The following JAK2 variants were observed in gnomAD, a reference collection of about 807,000 sequenced individuals.
JAK2 encodes the protein tyrosine-protein kinase JAK2.
Under a neutral mutation model 139.3 loss-of-function variants are expected in JAK2, and 86 were observed. The ratio of observed to expected loss-of-function variants is 0.62; its 90% CI spans 0.52 to 0.74. The LOEUF is 0.74. Ranked by LOEUF, JAK2 falls within the 30% of genes least tolerant of loss-of-function variation. The pLI, the probability that JAK2 is intolerant of heterozygous loss-of-function variation, is 0.00. For missense variants in JAK2, 1,421 were observed against 1,360.3 expected (o/e 1.04, Z -0.70); for synonymous variants, 490 against 437.7 (o/e 1.12, Z -1.49).
intron 4 of JAK2, chr9:5,041,282 T>A: frequency 1.9e-6 from 2 of 1,055,532 alleles, no homozygotes; most frequent in African/African-American, 1.6e-5. Context: ...GGCCAAGGGG[T>A]ACACTGGTCT....
intron 4 of JAK2, among the ~76,000 whole-genome samples, chr9:5,034,531 A>G (rs1489420661): frequency 6.6e-6 from 1 of 152,042 alleles, no homozygotes; most frequent in Non-Finnish European, 1.5e-5. Flanking sequence ...AAATTATAAC[A>G]AACTGTCTCT....
At chr9:5,106,282 C>A (rs985162152) in intron 22 of JAK2, among the ~76,000 whole-genome samples, 2 of 152,148 alleles carry the variant, frequency 1.3e-5, no homozygotes, top group Non-Finnish European at 2.9e-5. Context: ...ATGCAGCCAA[C>A]AGACATATAA....
chr9:5,125,034 A>G (rs575991357), intron 23 of JAK2, among the ~76,000 whole-genome samples: 2 of 151,578 alleles, frequency 1.3e-5, no homozygotes, highest in South Asian at 4.1e-4. Context: ...GAATTATTGC[A>G]TAAGTTAAAA....
intron 22 of JAK2, among the ~76,000 whole-genome samples, chr9:5,101,498 C>G (rs563118313): frequency 2.6e-5 from 4 of 152,258 alleles, no homozygotes; most frequent in East Asian, 1.9e-4. Context: ...ACTTAAACGT[C>G]CCTGTCTGAC....
chr9:4,995,591 T>C (rs970514161), intron 2 of JAK2, among the ~76,000 whole-genome samples: 16 of 152,232 alleles, frequency 1.1e-4, no homozygotes, highest in Admixed American at 1.0e-3. Context: ...CTTTGTTTCA[T>C]TCTAAAAATG....
At chr9:5,011,079 A>G (rs1465682509) in intron 2 of JAK2, among the ~76,000 whole-genome samples, 4 of 152,202 alleles carry the variant, frequency 2.6e-5, no homozygotes, top group African/African-American at 9.6e-5. Context: ...GTTTGGCTAT[A>G]ATGTGACTTA....
At chr9:5,123,390 A>G (rs1003426554) in intron 23 of JAK2, among the ~76,000 whole-genome samples, 1 of 152,012 alleles carries the variant, frequency 6.6e-6, no homozygotes, top group South Asian at 2.1e-4. Flanking sequence ...GCTCCCGCTT[A>G]TAAGTGAAAA....
chr9:5,062,865 T>C (rs1383498462), intron 8 of JAK2, among the ~76,000 whole-genome samples: 2 of 152,202 alleles, frequency 1.3e-5, no homozygotes, highest in Non-Finnish European at 2.9e-5. Context: ...TTAATATTTA[T>C]ACTTCTGTGG....
chr9:5,044,835 G>A (rs981677136), intron 5 of JAK2, among the ~76,000 whole-genome samples: 9 of 152,108 alleles, frequency 5.9e-5, no homozygotes, highest in South Asian at 2.1e-4. Flanking sequence ...GTAGACATAC[G>A]TGGCTAAAAT....
chr9:4,992,030 T>A (rs73639251), intron 2 of JAK2, among the ~76,000 whole-genome samples: 1 of 152,062 alleles, frequency 6.6e-6, no homozygotes, highest in African/African-American at 2.4e-5. Context: ...GGGTCAGTAA[T>A]TGAGACAGGG....
chr9:5,113,434 A>AC (rs1822830793), intron 22 of JAK2: 1 of 87,258 alleles, frequency 1.1e-5, no homozygotes, highest in African/African-American at 3.2e-5. Context: ...TAAAAAAAAA[A>AC]AAAAAAAAAA....
intron 19 of JAK2, among the ~76,000 whole-genome samples, chr9:5,088,776 G>C (rs1024005373): frequency 1.3e-5 from 2 of 152,196 alleles, no homozygotes; most frequent in African/African-American, 4.8e-5. Flanking sequence ...ACATGGGAGA[G>C]AGAGATTGCT....
chr9:5,087,432 A>G (rs1820215895), intron 19 of JAK2, among the ~76,000 whole-genome samples: 1 of 152,132 alleles, frequency 6.6e-6, no homozygotes, highest in African/African-American at 2.4e-5. Flanking sequence ...GGGGTTTACA[A>G]TTCAAGATGA....
intron 4 of JAK2, among the ~76,000 whole-genome samples, chr9:5,035,546 G>A (rs1327494579): frequency 6.6e-6 from 1 of 152,144 alleles, no homozygotes; most frequent in Non-Finnish European, 1.5e-5. Context: ...TGATCAAGTG[G>A]GCTTCATGCC....
At chr9:5,038,232 T>A (rs150515041) in intron 4 of JAK2, among the ~76,000 whole-genome samples, 1 of 152,296 alleles carries the variant, frequency 6.6e-6, no homozygotes, top group African/African-American at 2.4e-5. Flanking sequence ...ACACAAGTTA[T>A]AGGAACTGCT....
chr9:5,021,919 C>A, intron 2 of JAK2, 44 bp from the exon 3 acceptor site: 1 of 1,167,156 alleles, frequency 8.6e-7, no homozygotes, highest in Non-Finnish European at 1.3e-6. Flanking sequence ...AGGTGTGAGA[C>A]ACTGCGCCCA....
chr9:5,050,110 C>T (rs918441047), intron 5 of JAK2, among the ~76,000 whole-genome samples: 5 of 152,030 alleles, frequency 3.3e-5, no homozygotes, highest in South Asian at 2.1e-4. Context: ...GTAATATCTA[C>T]TTTAATTTAG....
At chr9:5,009,583 T>C (rs1821551570) in intron 2 of JAK2, among the ~76,000 whole-genome samples, 1 of 152,190 alleles carries the variant, frequency 6.6e-6, no homozygotes, top group South Asian at 2.1e-4. Flanking sequence ...CATTATCTGT[T>C]TCTTCTGGGG....
rs201287779 is a variant in JAK2, at chr9:5,077,174, G to GT, written c.1865-278dup. Among the ~76,000 whole-genome samples the GT allele has an allele frequency of 9.0e-3, 1,352 of 150,816 alleles. 18 individuals carry two copies. The highest frequency in any genetic ancestry group is 0.03 in the African/African-American group (1,225 of 41,280). ...ATTTTTAAAAACCAGCCATAATTCA[G>GT]TACTAATATATAAAGGTGTGCTGGT... On this transcript the variant is annotated intron_variant, in intron 14 of 24. Transcript: ENST00000381652.
Sources: allele counts gnomAD v4.1 joint callset (sites outside exome capture counted in the v4.1 genomes callset), GRCh38; gene constraint gnomAD v4.1.1; transcripts MANE v1.5; gene names NCBI Gene and HGNC (gene_info 2026-07-23, HGNC 2026-07-21).